DPP10: variants seen among roughly 807,000 people sequenced by gnomAD.
DPP10 encodes inactive dipeptidyl peptidase 10.
A neutral mutation model predicts 120.9 loss-of-function variants in DPP10; 33 were observed. The ratio of observed to expected loss-of-function variants is 0.27; its 90% CI spans 0.21 to 0.37. The LOEUF (loss-of-function observed/expected upper bound fraction) is 0.37, where lower values mean the gene tolerates loss of function less well. DPP10 is among the 10% of genes least tolerant of loss of function. DPP10 has a pLI of 1.00. For missense variants in DPP10, 816 were observed against 942.8 expected (o/e 0.87, Z 1.76); for synonymous variants, 337 against 326.1 (o/e 1.03, Z -0.36).
chr2:115,654,944 C>T (rs2088156648), intron 5 of DPP10, among the ~76,000 whole-genome samples: 1 of 151,732 alleles, frequency 6.6e-6, no homozygotes, highest in South Asian at 2.1e-4. Flanking sequence ...TGCATTTCTT[C>T]ATAAAATTCA....
chr2:115,380,769 A>G (rs2066265573), intron 3 of DPP10, among the ~76,000 whole-genome samples: 2 of 151,916 alleles, frequency 1.3e-5, no homozygotes, highest in Non-Finnish European at 2.9e-5. Context: ...ATCTCTCAGC[A>G]TTTGCTTGTC....
intron 1 of DPP10, among the ~76,000 whole-genome samples, chr2:115,143,548 C>T (rs1488412945): frequency 1.3e-5 from 2 of 152,126 alleles, no homozygotes; most frequent in African/African-American, 4.8e-5. Context: ...GCATAATTTC[C>T]ACAAGGCTAT....
chr2:115,402,959 A>G (rs1024723116), intron 3 of DPP10, among the ~76,000 whole-genome samples: 1 of 146,830 alleles, frequency 6.8e-6, no homozygotes, highest in Non-Finnish European at 1.5e-5. Flanking sequence ...GTATATATAT[A>G]TATATGTATA....
intron 1 of DPP10, among the ~76,000 whole-genome samples, chr2:114,699,734 A>T (rs1240769708): frequency 6.6e-6 from 1 of 152,098 alleles, no homozygotes; most frequent in Non-Finnish European, 1.5e-5. Flanking sequence ...CTCCAGCTCC[A>T]AGAAGAATGG....
intron 4 of DPP10, among the ~76,000 whole-genome samples, chr2:115,521,748 A>G (rs1243153114): frequency 6.6e-6 from 1 of 152,016 alleles, no homozygotes; most frequent in African/African-American, 2.4e-5. Context: ...TCGAGATGTC[A>G]TCAAATCTAA....
intron 19 of DPP10, among the ~76,000 whole-genome samples, chr2:115,804,751 T>A (rs1167690346): frequency 1.3e-4 from 20 of 152,198 alleles, no homozygotes. Context: ...CAGTGGATAC[T>A]GGTGAACCGC....
intron 1 of DPP10, among the ~76,000 whole-genome samples, chr2:115,057,893 G>C (rs1706059506): frequency 6.6e-6 from 1 of 152,192 alleles, no homozygotes. Flanking sequence ...GTCTGAGTTT[G>C]AGTTTGTGTG....
chr2:115,064,862 G>T, intron 1 of DPP10: 1 of 1,297,742 alleles, frequency 7.7e-7, no homozygotes, highest in Non-Finnish European at 1.0e-6. Flanking sequence ...TTTCTGATTG[G>T]GTTTCATTTA....
chr2:114,458,078 A>T (rs1678678443), intron 1 of DPP10, among the ~76,000 whole-genome samples: 1 of 152,126 alleles, frequency 6.6e-6, no homozygotes, highest in South Asian at 2.1e-4. Context: ...ACAGAGACTG[A>T]CTCAAAAAGA....
intron 1 of DPP10, among the ~76,000 whole-genome samples, chr2:114,689,740 A>G (rs773697501): frequency 2.5e-4 from 38 of 151,856 alleles, no homozygotes; most frequent in Non-Finnish European, 5.0e-4. Flanking sequence ...CCTCACTAGC[A>G]TTTGTTGTTT....
At chr2:115,255,960 T>G (rs1278251532) in intron 1 of DPP10, among the ~76,000 whole-genome samples, 1 of 152,224 alleles carries the variant, frequency 6.6e-6, no homozygotes, top group Admixed American at 6.5e-5. Context: ...GACCTTTGCC[T>G]GTTACCCAGT....
At chr2:114,864,379 G>A (rs141450564) in intron 1 of DPP10, among the ~76,000 whole-genome samples, 14 of 152,276 alleles carry the variant, frequency 9.2e-5, no homozygotes, top group Middle Eastern at 3.4e-3. Context: ...TGAAGACTAT[G>A]AATGGAGACA....
At chr2:115,471,853 C>T (rs1026634147) in intron 3 of DPP10, among the ~76,000 whole-genome samples, 1 of 151,744 alleles carries the variant, frequency 6.6e-6, no homozygotes, top group Non-Finnish European at 1.5e-5. Context: ...GTCCTGGGCT[C>T]GAGTGATCAA....
intron 1 of DPP10, among the ~76,000 whole-genome samples, chr2:115,090,545 T>C (rs915100461): frequency 2.0e-5 from 3 of 152,246 alleles, no homozygotes; most frequent in Non-Finnish European, 4.4e-5. Context: ...ACAAGTCTGC[T>C]ACGTTCTCCA....
chr2:114,468,397 C>CAAAAAA (rs71297186), intron 1 of DPP10, among the ~76,000 whole-genome samples: 17 of 69,536 alleles, frequency 2.4e-4, no homozygotes, highest in African/African-American at 7.4e-4. Flanking sequence ...GCTTACAATG[C>CAAAAAA]AAAAAAAAAA....
At chr2:115,026,173 G>A (rs1356756516) in intron 1 of DPP10, among the ~76,000 whole-genome samples, 1 of 152,094 alleles carries the variant, frequency 6.6e-6, no homozygotes, top group Non-Finnish European at 1.5e-5. Flanking sequence ...TTAAAACTTA[G>A]ATATGATTTT....
intron 1 of DPP10, among the ~76,000 whole-genome samples, chr2:115,024,008 G>C (rs1221169040): frequency 6.6e-6 from 1 of 152,070 alleles, no homozygotes; most frequent in African/African-American, 2.4e-5. Flanking sequence ...GGACTCAGGG[G>C]AAAGGGTGGT....
intron 1 of DPP10, among the ~76,000 whole-genome samples, chr2:114,473,814 CATTT>C (rs1188838948): frequency 2.6e-5 from 4 of 152,118 alleles, no homozygotes; most frequent in South Asian, 2.1e-4. Flanking sequence ...TAAACACTGA[CATTT>C]AGTTATTAAA....
intron 1 of DPP10, among the ~76,000 whole-genome samples, chr2:114,850,997 C>T (rs1334025631): frequency 6.6e-6 from 1 of 152,020 alleles, no homozygotes; most frequent in Non-Finnish European, 1.5e-5. Flanking sequence ...ATAGTTAGAA[C>T]AAGAAATGTT....
Sources: gnomAD v4.1 joint callset for allele counts (sites outside exome capture counted in the v4.1 genomes callset) on GRCh38, gnomAD v4.1.1 for gene constraint, MANE v1.5 for transcripts, NCBI Gene and HGNC (gene_info 2026-07-23, HGNC 2026-07-21) for gene names.